The following FGF10 variants were observed in gnomAD, a reference collection of about 807,000 sequenced individuals.
FGF10 encodes FGF-10.
A neutral mutation model predicts 19.8 loss-of-function variants in FGF10; 2 were observed. The observed-to-expected ratio is 0.10, with a 90% CI of 0.04 to 0.32. The LOEUF is 0.32. FGF10 is among the 10% of genes least tolerant of loss of function. The pLI, the probability that FGF10 is intolerant of heterozygous loss-of-function variation, is 1.00. For synonymous variants in FGF10, 112 were observed against 94.0 expected, an observed-to-expected ratio of 1.19 and a Z score of -1.10; for missense variants, 191 against 246.3, an observed-to-expected ratio of 0.78 and a Z score of 1.50.
chr5:44,319,866 G>A (rs1418443704), intron 1 of FGF10, among the ~76,000 whole-genome samples: 1 of 152,144 alleles, frequency 6.6e-6, no homozygotes, highest in African/African-American at 2.4e-5. Context: ...GCCATGGACT[G>A]GTACTGGTCC....
intron 1 of FGF10, among the ~76,000 whole-genome samples, chr5:44,351,739 A>C (rs563095111): frequency 6.6e-6 from 1 of 151,618 alleles, no homozygotes; most frequent in African/African-American, 2.4e-5. Flanking sequence ...GAACCCTATG[A>C]ATTTCCATTC....
intron 1 of FGF10, among the ~76,000 whole-genome samples, chr5:44,333,110 C>A (rs67412235): frequency 0.3 from 45,409 of 151,586 alleles, 6,978 homozygotes; most frequent in Admixed American, 0.4. Flanking sequence ...TGACCCCCCC[C>A]AAAAAAATTA....
intron 1 of FGF10, among the ~76,000 whole-genome samples, chr5:44,365,528 A>G (rs920889439): frequency 1.3e-5 from 2 of 151,824 alleles, no homozygotes; most frequent in Non-Finnish European, 2.9e-5. Context: ...GCCATGACTA[A>G]CACGTACAGT....
chr5:44,388,310 G>A (rs758040280), intron 1 of FGF10, 48 bp downstream of exon 1: 3 of 1,549,532 alleles, frequency 1.9e-6, no homozygotes, highest in Non-Finnish European at 2.7e-6. Flanking sequence ...CCCCGTGTGG[G>A]CTGGGGGTGG....
intron 1 of FGF10, among the ~76,000 whole-genome samples, chr5:44,372,224 AT>A (rs1741757330): frequency 6.6e-6 from 1 of 152,090 alleles, no homozygotes; most frequent in Non-Finnish European, 1.5e-5. Context: ...CTGGTGCCAC[AT>A]TCCTTGGCCA....
chr5:44,360,917 T>C (rs1741467234), intron 1 of FGF10, among the ~76,000 whole-genome samples: 1 of 151,664 alleles, frequency 6.6e-6, no homozygotes, highest in Non-Finnish European at 1.5e-5. Context: ...AATTTGGATC[T>C]TTTAAAGAGG....
In FGF10 at chr5:44,301,375, T is replaced by G. The variant is rs1739961002; in HGVS notation, c.*3620A>C. 2.6e-5 allele frequency among the ~76,000 whole-genome samples: 4 copies of G among 152,206 alleles called. No individual in the cohort carries two copies. ...AACCTTGAATTGGCAGCATCCAAAT[T>G]ATTAGAACTGTGCAGCATTAATGCT... On this transcript the variant is annotated 3_prime_UTR_variant, in exon 3 of 3. Transcript: ENST00000264664.
At chr5:44,313,487 C>T (rs1740257324) in intron 1 of FGF10, among the ~76,000 whole-genome samples, 1 of 151,902 alleles carries the variant, frequency 6.6e-6, no homozygotes, top group African/African-American at 2.4e-5. Context: ...GTTAAAAGAG[C>T]CTCCTGGAGG....
intron 1 of FGF10, among the ~76,000 whole-genome samples, chr5:44,375,603 T>C (rs1741835287): frequency 6.6e-6 from 1 of 152,166 alleles, no homozygotes; most frequent in Admixed American, 6.5e-5. Context: ...TTACATGATA[T>C]TATATGACAT....
intron 1 of FGF10, among the ~76,000 whole-genome samples, chr5:44,373,435 A>G (rs1026873526): frequency 6.6e-6 from 1 of 152,096 alleles, no homozygotes; most frequent in Non-Finnish European, 1.5e-5. Context: ...TTTTCACTTT[A>G]TCTCCTTCTT....
chr5:44,376,699 AT>A (rs1292511440), intron 1 of FGF10, among the ~76,000 whole-genome samples: 2 of 151,874 alleles, frequency 1.3e-5, no homozygotes, highest in African/African-American at 2.4e-5. Context: ...GAATAATGTC[AT>A]TTTAGTGAAG....
intron 1 of FGF10, among the ~76,000 whole-genome samples, chr5:44,328,464 A>T (rs17234338): frequency 0.013 from 2,048 of 152,266 alleles, 74 homozygotes; most frequent in Admixed American, 0.075. Flanking sequence ...AAATACTTTT[A>T]AAAAGTCTAA....
intron 1 of FGF10, among the ~76,000 whole-genome samples, chr5:44,356,610 T>C (rs946404589): frequency 6.6e-6 from 1 of 151,478 alleles, no homozygotes; most frequent in Admixed American, 6.6e-5. Flanking sequence ...GGCTATTTTC[T>C]GACTATGTTT....
At chr5:44,344,199 C>T (rs1279427297) in intron 1 of FGF10, among the ~76,000 whole-genome samples, 3 of 151,910 alleles carry the variant, frequency 2.0e-5, no homozygotes, top group Non-Finnish European at 4.4e-5. Flanking sequence ...CACAGAAAAG[C>T]TGTCAGCTCC....
Position 44,389,130 on chromosome 5 carries a change from C to T in FGF10, c.-448G>A. On this transcript the variant is annotated 5_prime_UTR_variant, in exon 1 of 3. It adds an upstream start codon to the 5' untranslated region. Transcript: ENST00000264664. Reference sequence around the variant, plus strand: ...TGGGGAATAGGGGGAGATATCTGCACCCCTCTGCGGTTGGCACCTTCTGGT... The same window carrying T: ...TGGGGAATAGGGGGAGATATCTGCATCCCTCTGCGGTTGGCACCTTCTGGT... The T allele has an allele frequency of 3.6e-6, 1 of 276,166 alleles. No homozygotes were observed. The allele number at this position is 276,166 out of a possible 1,614,324, so 17.1% of individuals were successfully genotyped here. A position where few individuals can be genotyped will look rare whatever the true frequency, so the allele number is the denominator to read the frequency against.
intron 1 of FGF10, among the ~76,000 whole-genome samples, chr5:44,318,324 C>G (rs895043519): frequency 6.6e-6 from 1 of 152,132 alleles, no homozygotes; most frequent in South Asian, 2.1e-4. Flanking sequence ...ATTTCTGTAT[C>G]AGAAAACATA....
intron 1 of FGF10, among the ~76,000 whole-genome samples, chr5:44,383,558 GT>G (rs1742030276): frequency 6.6e-6 from 1 of 152,006 alleles, no homozygotes; most frequent in African/African-American, 2.4e-5. Flanking sequence ...CCTGACAACT[GT>G]TTCCTTAGGT....
At chr5:44,319,859 A>G (rs141334720) in intron 1 of FGF10, among the ~76,000 whole-genome samples, 11 of 152,322 alleles carry the variant, frequency 7.2e-5, no homozygotes, top group African/African-American at 2.6e-4. Context: ...CCACTGGGCC[A>G]TGGACTGGTA....
chr5:44,347,377 C>A (rs550305538), intron 1 of FGF10, among the ~76,000 whole-genome samples: 2 of 151,736 alleles, frequency 1.3e-5, no homozygotes, highest in African/African-American at 4.8e-5. Flanking sequence ...GAAATGCGAG[C>A]AACCCTTTAT....
Sources: gnomAD v4.1 joint callset for allele counts (sites outside exome capture counted in the v4.1 genomes callset) on GRCh38, gnomAD v4.1.1 for gene constraint, MANE v1.5 for transcripts, NCBI Gene and HGNC (gene_info 2026-07-23, HGNC 2026-07-21) for gene names.